Variants in FNDC1 observed in about 807,000 individuals in gnomAD.
FNDC1 encodes the protein fibronectin type III domain containing 1, also known as fibronectin type III domain-containing protein 1.
FNDC1 carries 96 observed loss-of-function variants against 168.0 expected under a neutral mutation model. The ratio of observed to expected loss-of-function variants is 0.57; its 90% CI spans 0.48 to 0.68. The LOEUF is 0.68. Ranked by LOEUF, FNDC1 falls within the 30% of genes least tolerant of loss-of-function variation. FNDC1 has a pLI of 0.00. For missense variants in FNDC1, 2,587 were observed against 2,482.1 expected, an observed-to-expected ratio of 1.04 and a Z score of -0.90; for synonymous variants, 1,099 against 1,025.9, an observed-to-expected ratio of 1.07 and a Z score of -1.36.
chr6:159,235,819 C>T (rs1783239729), intron 11 of FNDC1, among the ~76,000 whole-genome samples: 1 of 152,200 alleles, frequency 6.6e-6, no homozygotes, highest in Admixed American at 6.5e-5. Flanking sequence ...TTAACATCCC[C>T]AGAAAAGTGG....
At chr6:159,257,599 GGCCC>G (rs1231519350) in intron 18 of FNDC1, among the ~76,000 whole-genome samples, 1 of 152,144 alleles carries the variant, frequency 6.6e-6, no homozygotes, top group African/African-American at 2.4e-5. Context: ...GGAACAAAAT[GGCCC>G]TCATTAGACA....
At chr6:159,189,977 G>A (rs531406364) in intron 1 of FNDC1, among the ~76,000 whole-genome samples, 4 of 152,302 alleles carry the variant, frequency 2.6e-5, no homozygotes, top group Admixed American at 2.0e-4. Flanking sequence ...TAAATTTTCA[G>A]CCTGGAGGTC....
chr6:159,185,072 G>GC (rs1159798157), intron 1 of FNDC1, among the ~76,000 whole-genome samples: 2 of 106,618 alleles, frequency 1.9e-5, no homozygotes, highest in African/African-American at 3.7e-5. Context: ...GAGGGTGGGG[G>GC]GGGGGGAATC....
At chr6:159,223,878 A>G (rs1344946842) in intron 7 of FNDC1, among the ~76,000 whole-genome samples, 1 of 152,244 alleles carries the variant, frequency 6.6e-6, no homozygotes, top group Non-Finnish European at 1.5e-5. Context: ...CACAGCAGGA[A>G]TTCACATCTC....
intron 4 of FNDC1, among the ~76,000 whole-genome samples, chr6:159,207,637 T>G (rs1449239407): frequency 6.6e-6 from 1 of 152,206 alleles, no homozygotes; most frequent in East Asian, 1.9e-4. Flanking sequence ...CTTTTTAAAC[T>G]TATCAACCTA....
chr6:159,244,300 G>A (rs1046330356), intron 14 of FNDC1, among the ~76,000 whole-genome samples: 3 of 152,218 alleles, frequency 2.0e-5, no homozygotes, highest in East Asian at 3.8e-4. Context: ...ATTGACATTG[G>A]AATGACCAAA....
chr6:159,239,716 G>A lies in FNDC1; in HGVS notation c.4380G>A (p.Leu1460=), dbSNP rs1208700325. 6.5e-7 allele frequency: 1 copy of A among 1,548,164 alleles called. No individual in the cohort carries two copies. The highest frequency in any genetic ancestry group is 8.7e-7 in the Non-Finnish European group (1 of 1,144,990). The change falls in exon 14 of 23, where the codon CTG becomes CTA. Residue 1460 remains leucine, a synonymous_variant. Coordinates refer to ENST00000297267, the MANE Select transcript of FNDC1 (RefSeq NM_032532.3). The part of the protein sequence containing the change: ...TMQPTTTTTP[L]PTTTTPRPTT... Reference sequence around the variant, plus strand: ...AGCCCACCACTACTACGACGCCCCTGCCTACCACTACAACCCCGAGGCCCA... The same window carrying A: ...AGCCCACCACTACTACGACGCCCCTACCTACCACTACAACCCCGAGGCCCA...
At chr6:159,238,348 G>A (rs1783315138) in intron 12 of FNDC1, among the ~76,000 whole-genome samples, 1 of 151,848 alleles carries the variant, frequency 6.6e-6, no homozygotes, top group Admixed American at 6.6e-5. Flanking sequence ...GCCTCCCAAA[G>A]TGCTGGGATT....
chr6:159,222,732 A>C (rs1050053299), intron 6 of FNDC1, among the ~76,000 whole-genome samples: 3 of 152,200 alleles, frequency 2.0e-5, no homozygotes, highest in African/African-American at 7.2e-5. Context: ...TGAGGACATC[A>C]AACCCAATGT....
rs1353775559 is a variant in FNDC1, at chr6:159,231,911, G to A, written c.1399G>A (p.Glu467Lys). 3 of 1,611,178 alleles carry A rather than the reference G, an allele frequency of 1.9e-6. No individual in the cohort carries two copies. The highest frequency in any genetic ancestry group is 1.1e-5 in the South Asian group (1 of 90,420). The change falls in exon 11 of 23, where the codon GAG (glutamate) becomes AAG (lysine). Residue 467 changes from glutamate (E) to lysine (K), a missense_variant. Glu to Lys is a moderately conservative substitution (Grantham distance 56). Transcript: ENST00000297267. ...TSKADVEQNT[E>K]DNGKPEKPEP... ...TAAGGCGGATGTTGAGCAGAACACGGAGGACAATGGGAAACCCGAAAAACC... is the reference window on the plus strand; with the variant it reads ...TAAGGCGGATGTTGAGCAGAACACGAAGGACAATGGGAAACCCGAAAAACC...
In FNDC1 at chr6:159,231,871, A is replaced by T. The variant is rs1160526098; in HGVS notation, c.1370-11A>T. 2 of 1,569,984 alleles carry T rather than the reference A, an allele frequency of 1.3e-6. No homozygotes were observed. The highest frequency in any genetic ancestry group is 1.7e-6 in the Non-Finnish European group (2 of 1,163,772). Reference sequence around the variant, plus strand: ...CTTCTTTGACAGGCAATTCTTTAAAATCTGTTGCAGCCAGTAAGGCGGATG... The same window carrying T: ...CTTCTTTGACAGGCAATTCTTTAAATTCTGTTGCAGCCAGTAAGGCGGATG... On this transcript the variant is annotated splice_polypyrimidine_tract_variant and intron_variant, in intron 10 of 22. Coordinates refer to ENST00000297267, the MANE Select transcript of FNDC1 (RefSeq NM_032532.3).
intron 17 of FNDC1, among the ~76,000 whole-genome samples, chr6:159,253,558 C>G (rs903284939): frequency 1.3e-5 from 2 of 152,200 alleles, no homozygotes; most frequent in African/African-American, 4.8e-5. Flanking sequence ...CAGTGTGAAA[C>G]TCCTAGAATT....
At chr6:159,220,448 A>G (rs551764864) in intron 5 of FNDC1, among the ~76,000 whole-genome samples, 31 of 152,172 alleles carry the variant, frequency 2.0e-4, no homozygotes, top group Non-Finnish European at 2.8e-4. Flanking sequence ...TTATTCTTGA[A>G]AAGATTAAAG....
At chr6:159,257,692 C>G (rs1030828022) in intron 18 of FNDC1, among the ~76,000 whole-genome samples, 3 of 152,188 alleles carry the variant, frequency 2.0e-5, no homozygotes, top group Non-Finnish European at 4.4e-5. Context: ...GAATTTTCCT[C>G]AAGACATTTT....
intron 8 of FNDC1, among the ~76,000 whole-genome samples, chr6:159,226,064 C>A (rs1369177142): frequency 6.6e-6 from 1 of 152,104 alleles, no homozygotes; most frequent in African/African-American, 2.4e-5. Context: ...TGTAGGAGAG[C>A]CTCTGCTTTC....
chr6:159,191,270 A>G (rs1015840131), intron 1 of FNDC1, among the ~76,000 whole-genome samples: 7 of 152,174 alleles, frequency 4.6e-5, no homozygotes, highest in South Asian at 2.1e-4. Context: ...CCATATCACT[A>G]TAAGAGATGG....
At chr6:159,245,535 G>C (rs1783522709) in intron 14 of FNDC1, among the ~76,000 whole-genome samples, 1 of 152,244 alleles carries the variant, frequency 6.6e-6, no homozygotes, top group African/African-American at 2.4e-5. Flanking sequence ...ATCAGCTACA[G>C]TGAGATGTTC....
Position 159,232,274 on chromosome 6 carries a change from A to T in FNDC1, c.1762A>T (p.Met588Leu). ...CGGCAGGACTGCAGTGAGGGCCCGG[A>T]TGCCAGCGCTGCCCCGAAGGGAAGG... The part of the protein sequence containing the change: ...APGRTAVRAR[M>L]PALPRREGVD... Residue 588 changes from methionine (M) to leucine (L), a missense_variant, in exon 11 of 23, where the codon ATG becomes TTG. By Grantham distance (15) the Met-to-Leu change is conservative (BLOSUM62 2). Coordinates refer to ENST00000297267, the MANE Select transcript of FNDC1 (RefSeq NM_032532.3). The surrounding 1 kb of genome is among the most constrained non-coding windows in gnomAD (Gnocchi z 4.9). 6.2e-7 allele frequency: 1 copy of T among 1,610,900 alleles called. No homozygotes were observed. The highest frequency in any genetic ancestry group is 8.5e-7 in the Non-Finnish European group (1 of 1,178,546).
intron 5 of FNDC1, among the ~76,000 whole-genome samples, chr6:159,217,583 T>C (rs1192614625): frequency 6.6e-6 from 1 of 152,198 alleles, no homozygotes; most frequent in Non-Finnish European, 1.5e-5. Flanking sequence ...TTTCTGTTTG[T>C]TGCTGTTCAG....
Sources: gnomAD v4.1 joint callset for allele counts (sites outside exome capture counted in the v4.1 genomes callset) on GRCh38, gnomAD v4.1.1 for gene constraint, Gnocchi (gnomAD v3.1) non-coding constraint, MANE v1.5 for transcripts, NCBI Gene and HGNC (gene_info 2026-07-23, HGNC 2026-07-21) for gene names.